ZNF845: variants seen among roughly 807,000 people sequenced by gnomAD.
ZNF845 encodes the protein zinc finger protein 845.
Under a neutral mutation model 76.1 loss-of-function variants are expected in ZNF845, and 59 were observed. That is an observed-to-expected ratio of 0.78 (90% CI 0.63 to 0.96). The LOEUF is 0.96. Among genes scored for constraint, ZNF845 ranks in the 40% least tolerant of loss-of-function variants. ZNF845 has a pLI of 0.00. For missense variants in ZNF845, 1,045 were observed against 1,172.8 expected, an observed-to-expected ratio of 0.89 and a Z score of 1.59; for synonymous variants, 361 against 386.9, an observed-to-expected ratio of 0.93 and a Z score of 0.78.
Position 53,355,459 on chromosome 19 carries a change from G to T in ZNF845, c.*1871G>T, listed in dbSNP as rs2085379224. 6.6e-6 allele frequency: 1 copy of T among 151,656 alleles called. No homozygotes were observed. Among genetic ancestry groups the T allele is most frequent in the Non-Finnish European group, 1.5e-5 (1 of 67,926 alleles). The allele number at this position is 151,656 out of a possible 1,614,324, so 9.4% of individuals were successfully genotyped here. ...GTAAAGACGGGGTTTCACCATGTTG[G>T]CCCAGATGGTGGGCCAACATGGTGA... On this transcript the variant is annotated 3_prime_UTR_variant, in exon 4 of 4. Transcript: ENST00000458035.
intron 2 of ZNF845, among the ~76,000 whole-genome samples, chr19:53,341,992 A>C (rs1050762958): frequency 3.9e-5 from 6 of 152,112 alleles, no homozygotes; most frequent in Admixed American, 2.6e-4. Context: ...GAGGCTTGTG[A>C]AACAGGTGTT....
intron 1 of ZNF845, among the ~76,000 whole-genome samples, chr19:53,338,848 A>G (rs1481559634): frequency 1.3e-5 from 2 of 151,572 alleles, no homozygotes; most frequent in Non-Finnish European, 2.9e-5. Context: ...TGGGAGGCTA[A>G]GGCAGGCAGA....
intron 3 of ZNF845, among the ~76,000 whole-genome samples, chr19:53,347,553 A>G (rs1277114959): frequency 1.3e-5 from 2 of 151,966 alleles, no homozygotes; most frequent in South Asian, 2.1e-4. Context: ...TCAGCCTCCC[A>G]AAGTGCTGAG....
intron 3 of ZNF845, chr19:53,346,425 A>C: frequency 2.5e-6 from 1 of 397,292 alleles, no homozygotes; most frequent in Non-Finnish European, 5.0e-6. Context: ...TCATGCCTGT[A>C]ATCCCGGCAC....
chr19:53,352,626 C>G lies in ZNF845; in HGVS notation c.1951C>G (p.Gln651Glu), dbSNP rs1395224444. The G allele has an allele frequency of 1.2e-5, 20 of 1,610,034 alleles. No homozygotes were observed. Among genetic ancestry groups the G allele is most frequent in the East Asian group, 4.5e-5 (2 of 44,480 alleles). ...DEAFSFKSNL[Q>E]RHRRIHTGEK... ...AGCTTTCAGTTTCAAATCAAACCTT[C>G]AAAGACATAGGAGAATTCATACTGG... The change falls in exon 4 of 4, where the codon CAA (glutamine) becomes GAA (glutamate). Residue 651 changes from glutamine to glutamate, a missense_variant. Gln to Glu is a conservative substitution (Grantham distance 29). Transcript: ENST00000458035.
At position 53,351,442 on chromosome 19, in the gene ZNF845, G is replaced by C; in HGVS notation, c.767G>C (p.Arg256Pro). 6.2e-7 allele frequency: 1 copy of C among 1,614,178 alleles called. No individual in the cohort carries two copies. The highest frequency in any genetic ancestry group is 1.3e-5 in the African/African-American group (1 of 75,040). Residue 256 changes from arginine to proline, a missense_variant, in exon 4 of 4, where the codon CGA becomes CCA. By Grantham distance (103) the Arg-to-Pro change is moderately radical (BLOSUM62 -2). Transcript: ENST00000458035. ...TGTGGCAAGGTCTTTAATCAAAAGCGATATCTTGCATGTCATCGTAGATGT... is the reference window on the plus strand; with the variant it reads ...TGTGGCAAGGTCTTTAATCAAAAGCCATATCTTGCATGTCATCGTAGATGT... The part of the protein sequence containing the change: ...DVCGKVFNQK[R>P]YLACHRRCHT...
intron 1 of ZNF845, among the ~76,000 whole-genome samples, chr19:53,340,472 A>G (rs953205996): frequency 6.6e-6 from 1 of 152,138 alleles, no homozygotes; most frequent in Admixed American, 6.5e-5. Context: ...ATGAACAGGC[A>G]TCTCCACCTT....
Position 53,353,309 on chromosome 19 carries a change from T to G in ZNF845, c.2634T>G (p.His878Gln). The change falls in exon 4 of 4, where the codon CAT becomes CAG. Residue 878 changes from histidine to glutamine, a missense_variant. Transcript: ENST00000458035. ...GAAAAGCAAACCTTTCACGTCATCA[T>G]AGACTTCATACTGGAGAGAAACCTT... ...FNRKANLSRH[H>Q]RLHTGEKPYK... The G allele has an allele frequency of 6.2e-7, 1 of 1,613,662 alleles. No individual in the cohort carries two copies. Among genetic ancestry groups the G allele is most frequent in the Non-Finnish European group, 8.5e-7 (1 of 1,179,780 alleles).
rs915276723 is a variant in ZNF845 at position 53,356,796 on chromosome 19, G to T, written c.*3208G>T. The T allele has an allele frequency of 6.6e-6, 1 of 151,758 alleles. No homozygotes were observed. Among genetic ancestry groups the T allele is most frequent in the African/African-American group, 2.4e-5 (1 of 41,264 alleles). 9.4% of individuals were successfully genotyped at this position (151,758 alleles called of 1,614,324 possible). ...TACAAAAAATTAGCTGGGCGAGGTG[G>T]CAGGCACCTGTAGTCCCAGCTACTC... On this transcript the variant is annotated 3_prime_UTR_variant, in exon 4 of 4. Coordinates refer to ENST00000458035, the MANE Select transcript of ZNF845 (RefSeq NM_138374.3).
chr19:53,346,321 C>A (rs1016851701), intron 3 of ZNF845: 2 of 406,566 alleles, frequency 4.9e-6, no homozygotes, highest in African/African-American at 2.1e-5. Flanking sequence ...GATGGAGTCT[C>A]ACTCTGTCGC....
chr19:53,341,340 G>A lies in ZNF845; in HGVS notation c.15+18G>A. On this transcript the variant is annotated intron_variant, in intron 2 of 3. Coordinates refer to ENST00000458035, the MANE Select transcript of ZNF845 (RefSeq NM_138374.3). The stretch of plus-strand genomic sequence containing the variant: ...TTTCTCAGGTGAGATGATATGTTGG[G>A]TGGATTGTTCTGTCTCCTTCCTCTC... The A allele has an allele frequency of 6.2e-7, 1 of 1,613,936 alleles. No homozygotes were observed. The highest frequency in any genetic ancestry group is 8.5e-7 in the Non-Finnish European group (1 of 1,179,876).
chr19:53,353,004 T>C lies in ZNF845; in HGVS notation c.2329T>C (p.Cys777Arg). The change falls in exon 4 of 4, where the codon TGT (cysteine) becomes CGT (arginine). Residue 777 changes from cysteine (C) to arginine (R), a missense_variant. Coordinates refer to ENST00000458035, the MANE Select transcript of ZNF845 (RefSeq NM_138374.3). ...TCATACTGGAGAGAAACCATACAAA[T>C]GTAAGGTTTGTGACAAAGCTTTTGG... ...RIHTGEKPYKCKVCDKAFGRD... is the reference protein window; with the variant it reads ...RIHTGEKPYKRKVCDKAFGRD... 3 of 1,614,040 alleles carry C rather than the reference T, an allele frequency of 1.9e-6. No individual in the cohort carries two copies. The highest frequency in any genetic ancestry group is 1.1e-5 in the South Asian group (1 of 91,070).
chr19:53,341,927 C>A (rs1449578050), intron 2 of ZNF845, among the ~76,000 whole-genome samples: 1 of 151,998 alleles, frequency 6.6e-6, no homozygotes, highest in Admixed American at 6.6e-5. Flanking sequence ...GCAGGAGATT[C>A]ATTCAACCAT....
Position 53,351,519 on chromosome 19 carries a change from C to G in ZNF845, c.844C>G (p.Gln282Glu). The G allele has an allele frequency of 2.5e-6, 4 of 1,614,222 alleles. No individual in the cohort carries two copies. The highest frequency in any genetic ancestry group is 3.4e-6 in the Non-Finnish European group (4 of 1,180,022). The part of the protein sequence containing the change: ...KCNDCGKTFS[Q>E]ELTLTCHHRL... ...TAATGATTGTGGCAAGACCTTCAGT[C>G]AGGAGTTAACCCTTACATGCCATCA... is the stretch of plus-strand genomic sequence containing the variant. The change falls in exon 4 of 4, where the codon CAG becomes GAG. Residue 282 changes from glutamine to glutamate, a missense_variant. Gln to Glu is a conservative substitution (Grantham distance 29, BLOSUM62 2). Transcript: ENST00000458035.
In ZNF845 at chr19:53,351,335, T is replaced by G. The variant is rs768158079; in HGVS notation, c.660T>G (p.Ser220Arg). 5 of 1,614,192 alleles carry G rather than the reference T, an allele frequency of 3.1e-6. No homozygotes were observed. In the South Asian group the frequency reaches 4.4e-5, roughly 14 times the overall value. ...AAAAATCTTTCCAATGTAATGAGAG[T>G]GGCAAAGCCTTTAATTATAGCTCAG... Reference protein sequence around the residue: ...MREKSFQCNESGKAFNYSSVL... With the variant: ...MREKSFQCNERGKAFNYSSVL... Residue 220 changes from serine to arginine, a missense_variant, in exon 4 of 4, where the codon AGT becomes AGG. Transcript: ENST00000458035.
intron 1 of ZNF845, among the ~76,000 whole-genome samples, chr19:53,339,121 A>G (rs1849020512): frequency 6.6e-6 from 1 of 152,092 alleles, no homozygotes; most frequent in South Asian, 2.1e-4. Flanking sequence ...TAAATGTGCT[A>G]TAATGTAAAT....
intron 3 of ZNF845, among the ~76,000 whole-genome samples, chr19:53,348,414 G>C (rs1307735494): frequency 6.6e-6 from 1 of 152,102 alleles, no homozygotes; most frequent in African/African-American, 2.4e-5. Context: ...GTTTAGCCCA[G>C]CCATCTTCCT....
At chr19:53,336,677 TTA>T (rs954608370) in intron 1 of ZNF845, among the ~76,000 whole-genome samples, 1 of 149,920 alleles carries the variant, frequency 6.7e-6, no homozygotes, top group African/African-American at 2.4e-5. Flanking sequence ...GAGATAAATC[TTA>T]GTTTTAAATA....
chr19:53,338,819 G>A (rs2085235757), intron 1 of ZNF845, among the ~76,000 whole-genome samples: 1 of 151,786 alleles, frequency 6.6e-6, no homozygotes, highest in Admixed American at 6.6e-5. Context: ...GGTGGCTCAC[G>A]CCTGTAGTCC....
Sources: gnomAD v4.1 joint callset for allele counts (sites outside exome capture counted in the v4.1 genomes callset) on GRCh38, gnomAD v4.1.1 for gene constraint, MANE v1.5 for transcripts, NCBI Gene and HGNC (gene_info 2026-07-23, HGNC 2026-07-21) for gene names.